LRRC49: variants seen among roughly 807,000 people sequenced by gnomAD.
LRRC49 encodes leucine rich repeat containing 49.
A neutral mutation model predicts 83.3 loss-of-function variants in LRRC49; 50 were observed. The ratio of observed to expected loss-of-function variants is 0.60; its 90% confidence interval spans 0.48 to 0.76. The LOEUF (loss-of-function observed/expected upper bound fraction) is 0.76. LRRC49 is among the 30% of genes least tolerant of loss of function. LRRC49 has a pLI of 0.00. For synonymous variants in LRRC49, 286 were observed against 283.3 expected (o/e 1.01, Z -0.10); for missense variants, 704 against 809.1 (o/e 0.87, Z 1.58).
upstream of LRRC49, chr15:70,892,316 C>A (rs139121269): frequency 2.5e-5 from 39 of 1,550,156 alleles, no homozygotes; most frequent in Admixed American, 1.2e-4. Context: ...CCTGGACCTT[C>A]GCCCTTGGGC....
chr15:71,027,343 T>C (rs1458374412), intron 14 of LRRC49, among the ~76,000 whole-genome samples: 3 of 152,200 alleles, frequency 2.0e-5, no homozygotes, highest in Admixed American at 2.0e-4. Context: ...TTGGTTACTG[T>C]AGCCTTGTAG....
chr15:70,955,420 T>A (rs549466609), intron 8 of LRRC49, among the ~76,000 whole-genome samples: 1 of 152,166 alleles, frequency 6.6e-6, no homozygotes, highest in Non-Finnish European at 1.5e-5. Context: ...CCCTTTCTAG[T>A]CTTAGCCCCA....
chr15:70,905,147 C>G (rs751017779), intron 5 of LRRC49, among the ~76,000 whole-genome samples: 4 of 152,150 alleles, frequency 2.6e-5, no homozygotes, highest in Non-Finnish European at 5.9e-5. Context: ...TTGTGATTAT[C>G]TCACAAATTG....
At chr15:70,954,491 A>G (rs2141184443) in intron 8 of LRRC49, among the ~76,000 whole-genome samples, 1 of 152,280 alleles carries the variant, frequency 6.6e-6, no homozygotes, top group African/African-American at 2.4e-5. Flanking sequence ...ATCTGGAGGT[A>G]AGAAGACATG....
intron 8 of LRRC49, among the ~76,000 whole-genome samples, chr15:70,949,982 G>A (rs1323531244): frequency 6.6e-6 from 1 of 151,918 alleles, no homozygotes; most frequent in Non-Finnish European, 1.5e-5. Context: ...CCCATCAAGT[G>A]GTCCCCAGTG....
chr15:71,010,478 T>C (rs1022747449), intron 13 of LRRC49, among the ~76,000 whole-genome samples: 3 of 148,104 alleles, frequency 2.0e-5, no homozygotes, highest in Non-Finnish European at 3.0e-5. Context: ...AAAGAAGAGA[T>C]GAAAAGGAGA....
At position 70,877,297 on chromosome 15, in the gene LRRC49, G is replaced by A. The variant is rs570619691; in HGVS notation, c.18+4074G>A. Among the ~76,000 whole-genome samples, 10 of 152,128 alleles carry A rather than the reference G, an allele frequency of 6.6e-5. No individual in the cohort carries two copies. The South Asian group carries it at 1.0e-3, about 16-fold the overall frequency. Reference sequence around the variant, plus strand: ...ATTAATGTAACCCTCATCACATTGGGGTATAAAACATTCCATCTCCCCTAA... The same window carrying A: ...ATTAATGTAACCCTCATCACATTGGAGTATAAAACATTCCATCTCCCCTAA... On this transcript the variant is annotated intron_variant, in intron 2 of 16. Coordinates refer to the LRRC49 transcript ENST00000544974.
intron 6 of LRRC49, 27 bp downstream of exon 6, chr15:70,911,625 CT>C (rs1333074663): frequency 5.0e-6 from 7 of 1,404,444 alleles, no homozygotes; most frequent in South Asian, 4.1e-5. Flanking sequence ...TCATTTCTTT[CT>C]TTTTTGAAAA....
chr15:70,859,902 G>C (rs2032746304), intron 1 of LRRC49: 3 of 768,984 alleles, frequency 3.9e-6, no homozygotes, highest in African/African-American at 1.7e-5. Flanking sequence ...CTGCTGGAGG[G>C]TGAGGAGAGC....
At chr15:70,968,953 G>A (rs1293776326) in intron 9 of LRRC49, among the ~76,000 whole-genome samples, 1 of 152,138 alleles carries the variant, frequency 6.6e-6, no homozygotes, top group Non-Finnish European at 1.5e-5. Context: ...TCTGATGATA[G>A]TTTCTTTTGC....
chr15:70,993,168 G>C (rs1032134466), intron 11 of LRRC49, among the ~76,000 whole-genome samples: 16 of 152,202 alleles, frequency 1.1e-4, no homozygotes, highest in African/African-American at 3.9e-4. Flanking sequence ...GTGGACGTAG[G>C]AACCCTCCTA....
chr15:70,906,394 C>G (rs2034317075), intron 5 of LRRC49, among the ~76,000 whole-genome samples: 1 of 152,316 alleles, frequency 6.6e-6, no homozygotes, highest in African/African-American at 2.4e-5. Flanking sequence ...CGCGCCCAGC[C>G]ACCCAGAGAT....
At chr15:70,876,370 T>C (rs548367985) in intron 2 of LRRC49, among the ~76,000 whole-genome samples, 6 of 152,332 alleles carry the variant, frequency 3.9e-5, no homozygotes, top group African/African-American at 1.4e-4. Flanking sequence ...AGTGAACTAC[T>C]GTCTTTACCT....
At position 70,966,185 on chromosome 15, in the gene LRRC49, T is replaced by G. The variant is rs148392703; in HGVS notation, c.921+2253T>G. On this transcript the variant is annotated intron_variant, in intron 9 of 15. Transcript: ENST00000260382. ...TTGAATTTTTGTGTAAATTACCATATAAACATTCTCACTGTGGTGGATTAC... is the reference window on the plus strand; with the variant it reads ...TTGAATTTTTGTGTAAATTACCATAGAAACATTCTCACTGTGGTGGATTAC... Among the ~76,000 whole-genome samples the G allele has an allele frequency of 2.3e-3, 356 of 152,288 alleles. 4 individuals carry two copies. Among genetic ancestry groups the G allele is most frequent in the African/African-American group, 8.5e-3 (353 of 41,574 alleles).
intron 11 of LRRC49, among the ~76,000 whole-genome samples, chr15:70,989,046 C>T (rs1250806919): frequency 6.6e-6 from 1 of 152,154 alleles, no homozygotes; most frequent in Non-Finnish European, 1.5e-5. Context: ...GTAACCTGAC[C>T]TTTCTCTCTG....
At chr15:70,949,194 T>A (rs2036122959) in intron 8 of LRRC49, among the ~76,000 whole-genome samples, 1 of 152,182 alleles carries the variant, frequency 6.6e-6, no homozygotes, top group African/African-American at 2.4e-5. Flanking sequence ...CAAGTCCTGG[T>A]CTTTCCGAAA....
intron 11 of LRRC49, among the ~76,000 whole-genome samples, chr15:70,995,623 A>G (rs1014192380): frequency 2.0e-5 from 3 of 152,176 alleles, no homozygotes; most frequent in Non-Finnish European, 2.9e-5. Flanking sequence ...TGAATGCAGG[A>G]GTATCTTTTT....
At chr15:71,007,715 A>G (rs1176756333) in intron 11 of LRRC49, among the ~76,000 whole-genome samples, 1 of 8,534 alleles carries the variant, frequency 1.2e-4, no homozygotes, top group Non-Finnish European at 5.1e-4. Flanking sequence ...GCATGTATAT[A>G]TATATATATA....
intron 7 of LRRC49, among the ~76,000 whole-genome samples, chr15:70,921,997 G>C (rs1030038275): frequency 5.3e-5 from 8 of 152,012 alleles, no homozygotes; most frequent in African/African-American, 1.9e-4. Context: ...AAATTATGAA[G>C]TGTCTTATAT....
Sources: allele counts gnomAD v4.1 joint callset (sites outside exome capture counted in the v4.1 genomes callset), GRCh38; gene constraint gnomAD v4.1.1; transcripts MANE v1.5; gene names NCBI Gene and HGNC (gene_info 2026-07-23, HGNC 2026-07-21).